The following MAGI2 variants were observed in gnomAD, a reference collection of about 807,000 sequenced individuals.
MAGI2 encodes membrane-associated guanylate kinase, WW and PDZ domain-containing protein 2.
A neutral mutation model predicts 133.3 loss-of-function variants in MAGI2; 35 were observed. The observed-to-expected ratio is 0.26, with a 90% CI of 0.20 to 0.35. The LOEUF (loss-of-function observed/expected upper bound fraction) is 0.35. Ranked by LOEUF, MAGI2 falls within the 10% of genes least tolerant of loss-of-function variation. MAGI2 has a pLI of 1.00. For synonymous variants in MAGI2, 729 were observed against 710.6 expected, an observed-to-expected ratio of 1.03 and a Z score of -0.41; for missense variants, 1,636 against 1,863.4, an observed-to-expected ratio of 0.88 and a Z score of 2.25.
intron 2 of MAGI2, among the ~76,000 whole-genome samples, chr7:78,749,554 G>A (rs1278561112): frequency 6.6e-6 from 1 of 152,164 alleles, no homozygotes; most frequent in East Asian, 1.9e-4. Context: ...ATGTCAATGA[G>A]AAAGAAAGCC....
chr7:79,147,031 T>A (rs1822706990), intron 1 of MAGI2, among the ~76,000 whole-genome samples: 1 of 152,216 alleles, frequency 6.6e-6, no homozygotes, highest in Non-Finnish European at 1.5e-5. Context: ...TTAGACCACC[T>A]GAGTTCATAT....
At chr7:78,214,004 G>A (rs1014045757) in intron 10 of MAGI2, among the ~76,000 whole-genome samples, 1 of 152,186 alleles carries the variant, frequency 6.6e-6, no homozygotes, top group Non-Finnish European at 1.5e-5. Flanking sequence ...GATTGCTGTT[G>A]AGTTGGAATA....
rs553613136 is a variant in MAGI2 at position 78,773,941 on chromosome 7, T to C, written c.419-146702A>G. On this transcript the variant is annotated intron_variant, in intron 2 of 21. Coordinates refer to ENST00000354212, the MANE Select transcript of MAGI2 (RefSeq NM_012301.4). ...GACAGCAGTGTTTTCCAAACTTTCC[T>C]AATTATAAGAATTACCTGCAAGTTA... is the stretch of plus-strand genomic sequence containing the variant. Among the ~76,000 whole-genome samples the C allele has an allele frequency of 4.6e-5, 7 of 152,360 alleles. No individual in the cohort carries two copies. The East Asian group carries it at 5.8e-4, about 13-fold the overall frequency.
At chr7:78,707,310 T>C (rs968364504) in intron 2 of MAGI2, among the ~76,000 whole-genome samples, 1 of 152,128 alleles carries the variant, frequency 6.6e-6, no homozygotes, top group Non-Finnish European at 1.5e-5. Context: ...TTTTCTAAAA[T>C]TTAACATTTA....
At chr7:78,568,596 A>G (rs1371198427) in intron 3 of MAGI2, among the ~76,000 whole-genome samples, 1 of 152,124 alleles carries the variant, frequency 6.6e-6, no homozygotes, top group Admixed American at 6.5e-5. Context: ...AACATAACCT[A>G]TGACCACTTC....
At chr7:78,882,129 AAGAG>A (rs1395181225) in intron 2 of MAGI2, among the ~76,000 whole-genome samples, 5 of 147,774 alleles carry the variant, frequency 3.4e-5, no homozygotes, top group African/African-American at 9.8e-5. Flanking sequence ...ACAAAAAAAA[AAGAG>A]AGAGAGAGAA....
chr7:78,787,819 A>G (rs1460432792), intron 2 of MAGI2, among the ~76,000 whole-genome samples: 1 of 152,216 alleles, frequency 6.6e-6, no homozygotes, highest in African/African-American at 2.4e-5. Context: ...GAGCCAGGTG[A>G]TGGTTATATA....
At chr7:79,024,186 T>A (rs996541465) in intron 1 of MAGI2, among the ~76,000 whole-genome samples, 39 of 152,224 alleles carry the variant, frequency 2.6e-4, no homozygotes, top group African/African-American at 8.9e-4. Context: ...TCCCCACACC[T>A]ACAATCATCT....
intron 1 of MAGI2, among the ~76,000 whole-genome samples, chr7:79,061,420 C>T (rs13247319): frequency 0.75 from 113,976 of 151,752 alleles, 44,388 homozygotes; most frequent in Non-Finnish European, 0.86. Context: ...GGGAGAAGTG[C>T]TGTCGGAGAT....
At chr7:78,986,915 C>T (rs1277746801) in intron 2 of MAGI2, among the ~76,000 whole-genome samples, 1 of 151,918 alleles carries the variant, frequency 6.6e-6, no homozygotes, top group African/African-American at 2.4e-5. Flanking sequence ...CAATCAAGAA[C>T]ATACTCACCT....
chr7:78,839,239 G>A (rs780547232), intron 2 of MAGI2, among the ~76,000 whole-genome samples: 1 of 152,046 alleles, frequency 6.6e-6, no homozygotes, highest in Non-Finnish European at 1.5e-5. Context: ...GAATTTAAAT[G>A]CAAATGATTA....
chr7:79,385,749 C>G (rs1844129622), intron 1 of MAGI2, among the ~76,000 whole-genome samples: 1 of 151,754 alleles, frequency 6.6e-6, no homozygotes. Context: ...TGTAGGATGA[C>G]AAGTTTAGAG....
chr7:78,717,138 G>T (rs1200777246), intron 2 of MAGI2, among the ~76,000 whole-genome samples: 1 of 152,064 alleles, frequency 6.6e-6, no homozygotes, highest in Non-Finnish European at 1.5e-5. Context: ...CTGCAAGCGG[G>T]AAAGGAGGCT....
At chr7:79,190,625 C>T (rs915258849) in intron 1 of MAGI2, among the ~76,000 whole-genome samples, 5 of 151,782 alleles carry the variant, frequency 3.3e-5, no homozygotes, top group Non-Finnish European at 7.4e-5. Context: ...CTTTCTCATA[C>T]ATATTGCAAA....
chr7:79,381,517 T>C (rs1247145616), intron 1 of MAGI2, among the ~76,000 whole-genome samples: 1 of 151,812 alleles, frequency 6.6e-6, no homozygotes, highest in Non-Finnish European at 1.5e-5. Flanking sequence ...TCTTCAAGAA[T>C]ATATATTAGA....
At chr7:78,147,212 C>T (rs6466054) in intron 16 of MAGI2, among the ~76,000 whole-genome samples, 28,768 of 152,076 alleles carry the variant, frequency 0.19, 2,928 homozygotes, top group East Asian at 0.35. Flanking sequence ...GACCCTCAAG[C>T]GAAGTGTTCA....
chr7:78,482,919 ACACACG>A (rs1180766494), intron 6 of MAGI2, among the ~76,000 whole-genome samples: 15 of 136,918 alleles, frequency 1.1e-4, no homozygotes, highest in South Asian at 4.9e-4. Context: ...ACACACACAC[ACACACG>A]AGTACTTGTA....
intron 6 of MAGI2, among the ~76,000 whole-genome samples, chr7:78,442,750 A>G (rs893179084): frequency 2.6e-5 from 4 of 152,198 alleles, no homozygotes; most frequent in Non-Finnish European, 5.9e-5. Context: ...TTATTTTGGA[A>G]AAAATCCAAA....
At chr7:79,211,531 C>T (rs1265846328) in intron 1 of MAGI2, among the ~76,000 whole-genome samples, 1 of 151,586 alleles carries the variant, frequency 6.6e-6, no homozygotes, top group Non-Finnish European at 1.5e-5. Context: ...TGGGCTCAAG[C>T]AATCCTCTCA....
Sources: allele counts gnomAD v4.1 joint callset (sites outside exome capture counted in the v4.1 genomes callset), GRCh38; gene constraint gnomAD v4.1.1; transcripts MANE v1.5; gene names NCBI Gene and HGNC (gene_info 2026-07-23, HGNC 2026-07-21).